The following MAPRE2 variants were observed in gnomAD, a reference collection of about 807,000 sequenced individuals.
The protein encoded by MAPRE2 is microtubule associated protein RP/EB family member 2, also known as microtubule-associated protein RP/EB family member 2.
MAPRE2 carries 13 observed loss-of-function variants against 43.2 expected under a neutral mutation model. That is an observed-to-expected ratio of 0.30 (90% CI 0.20 to 0.48). The LOEUF is 0.48. MAPRE2 is among the 20% of genes least tolerant of loss of function. The probability of loss-of-function intolerance (pLI) is 0.99; values close to 1 mark genes in which losing one functional copy is unlikely to be tolerated. For synonymous variants in MAPRE2, 135 were observed against 148.8 expected, an observed-to-expected ratio of 0.91 and a Z score of 0.68; for missense variants, 161 against 400.2, an observed-to-expected ratio of 0.40 and a Z score of 5.10.
intron 2 of MAPRE2, among the ~76,000 whole-genome samples, chr18:35,009,256 A>G (rs1294030661): frequency 6.6e-6 from 1 of 152,134 alleles, no homozygotes; most frequent in African/African-American, 2.4e-5. Context: ...TGGAATACTC[A>G]GGGATGGTGA....
intron 1 of MAPRE2, among the ~76,000 whole-genome samples, chr18:35,052,270 C>T (rs1391021378): frequency 6.6e-6 from 1 of 152,160 alleles, no homozygotes; most frequent in Non-Finnish European, 1.5e-5. Flanking sequence ...CAGTGATCTG[C>T]TTTCTGTCAC....
intron 4 of MAPRE2, among the ~76,000 whole-genome samples, chr18:35,124,001 G>A (rs1909798604): frequency 6.6e-6 from 1 of 152,164 alleles, no homozygotes; most frequent in Non-Finnish European, 1.5e-5. Flanking sequence ...GACTGGCAGG[G>A]TGGTAGACCT....
intron 5 of MAPRE2, chr18:35,127,336 A>AATGATAC: frequency 2.3e-6 from 1 of 426,902 alleles, no homozygotes; most frequent in African/African-American, 2.0e-5. Flanking sequence ...TGCAGACTTC[A>AATGATAC]GGCTACCTTC....
At chr18:34,987,324 CA>C (rs2097021534) in intron 1 of MAPRE2, among the ~76,000 whole-genome samples, 2 of 152,172 alleles carry the variant, frequency 1.3e-5, no homozygotes, top group Admixed American at 1.3e-4. Flanking sequence ...GAGGCATCAG[CA>C]TCACCTAGGA....
chr18:35,016,162 GTA>G (rs147366684), intron 2 of MAPRE2, among the ~76,000 whole-genome samples: 1 of 151,588 alleles, frequency 6.6e-6, no homozygotes. Flanking sequence ...GTATTTTATG[GTA>G]TATATATATA....
chr18:35,122,702 G>A (rs1398081419), intron 4 of MAPRE2, among the ~76,000 whole-genome samples: 2 of 152,150 alleles, frequency 1.3e-5, no homozygotes, highest in Non-Finnish European at 2.9e-5. Context: ...AGAGGTTGCC[G>A]AGCCTGATTT....
intron 1 of MAPRE2, among the ~76,000 whole-genome samples, chr18:34,997,000 G>C (rs1006749692): frequency 2.0e-5 from 3 of 152,160 alleles, no homozygotes; most frequent in Non-Finnish European, 4.4e-5. Flanking sequence ...TTCACCTAAA[G>C]AGTGGAGTTA....
intron 1 of MAPRE2, among the ~76,000 whole-genome samples, chr18:35,063,804 C>T (rs1428839518): frequency 6.6e-6 from 1 of 151,854 alleles, no homozygotes; most frequent in Non-Finnish European, 1.5e-5. Context: ...CATGATCAGC[C>T]TATGCAACAT....
intron 1 of MAPRE2, among the ~76,000 whole-genome samples, chr18:34,991,505 T>G (rs930715539): frequency 9.9e-5 from 15 of 152,140 alleles, no homozygotes; most frequent in African/African-American, 3.6e-4. Context: ...CCACACAGAC[T>G]GCAAGACTAA....
At chr18:35,065,126 C>G (rs892031794) in intron 1 of MAPRE2, among the ~76,000 whole-genome samples, 2 of 151,974 alleles carry the variant, frequency 1.3e-5, no homozygotes, top group African/African-American at 2.4e-5. Context: ...GAAACCCTGT[C>G]TGTACTAAAA....
chr18:35,043,716 C>A (rs1399650308), intron 1 of MAPRE2, among the ~76,000 whole-genome samples: 1 of 152,138 alleles, frequency 6.6e-6, no homozygotes, highest in South Asian at 2.1e-4. Context: ...GATGATATAG[C>A]GAGAGGTGTC....
At chr18:35,053,942 C>T (rs1027662915) in intron 1 of MAPRE2, among the ~76,000 whole-genome samples, 4 of 152,066 alleles carry the variant, frequency 2.6e-5, no homozygotes, top group Non-Finnish European at 4.4e-5. Context: ...CTAAAGTAAA[C>T]ATTTTAAAAA....
chr18:35,085,282 A>G (rs1053729248), intron 2 of MAPRE2, among the ~76,000 whole-genome samples: 1 of 152,176 alleles, frequency 6.6e-6, no homozygotes, highest in African/African-American at 2.4e-5. Context: ...TTCCTTCAAC[A>G]CGAGGTTTGG....
At chr18:35,123,069 T>A (rs1466414704) in intron 4 of MAPRE2, among the ~76,000 whole-genome samples, 3 of 152,248 alleles carry the variant, frequency 2.0e-5, no homozygotes, top group Non-Finnish European at 4.4e-5. Context: ...CGGCCGGGGA[T>A]TCTCCCTGCG....
At chr18:35,134,499 C>A (rs550381055) in intron 6 of MAPRE2, among the ~76,000 whole-genome samples, 1 of 152,318 alleles carries the variant, frequency 6.6e-6, no homozygotes, top group Non-Finnish European at 1.5e-5. Context: ...AGCTCCAGCA[C>A]TAGGATTTGA....
At chr18:34,978,383 G>A (rs930283487) in intron 1 of MAPRE2, 1 of 827,854 alleles carries the variant, frequency 1.2e-6, no homozygotes, top group African/African-American at 1.7e-5. Flanking sequence ...CGACCCTGGG[G>A]CCGCGCTGCG....
chr18:35,036,021 C>G (rs780428711), intron 2 of MAPRE2, among the ~76,000 whole-genome samples: 1 of 150,236 alleles, frequency 6.7e-6, no homozygotes, highest in Non-Finnish European at 1.5e-5. Context: ...TAGTATTTAC[C>G]ACTAGCATGT....
chr18:34,999,942 T>G (rs376231604), intron 1 of MAPRE2, among the ~76,000 whole-genome samples: 5 of 151,826 alleles, frequency 3.3e-5, no homozygotes, highest in African/African-American at 1.2e-4. Context: ...GACCATTAAT[T>G]GAGGCAGTGC....
At chr18:35,022,570 C>CGG (rs1397222930) in intron 2 of MAPRE2, among the ~76,000 whole-genome samples, 4 of 152,070 alleles carry the variant, frequency 2.6e-5, no homozygotes, top group Non-Finnish European at 4.4e-5. Context: ...GAACATTCTT[C>CGG]GGGTTGCAAG....
Sources: allele counts gnomAD v4.1 joint callset (sites outside exome capture counted in the v4.1 genomes callset), GRCh38; gene constraint gnomAD v4.1.1; transcripts MANE v1.5; gene names NCBI Gene and HGNC (gene_info 2026-07-23, HGNC 2026-07-21).